The following LRRTM3 variants were observed in gnomAD, a reference collection of about 807,000 sequenced individuals.
The protein encoded by LRRTM3 is leucine-rich repeat transmembrane neuronal protein 3.
LRRTM3 carries 24 observed loss-of-function variants against 44.7 expected under a neutral mutation model. The ratio of observed to expected loss-of-function variants is 0.54; its 90% CI spans 0.39 to 0.76. The LOEUF (loss-of-function observed/expected upper bound fraction) is 0.76. LRRTM3 is among the 30% of genes least tolerant of loss of function. The pLI is 0.00. For synonymous variants in LRRTM3, 277 were observed against 278.7 expected, an observed-to-expected ratio of 0.99 and a Z score of 0.06; for missense variants, 587 against 702.2, an observed-to-expected ratio of 0.84 and a Z score of 1.85.
intron 2 of LRRTM3, chr10:67,052,796 CTTTTTT>C (rs1310956316): frequency 1.3e-5 from 2 of 151,888 alleles, no homozygotes; most frequent in Admixed American, 1.3e-4. Context: ...AATCCTTTCT[CTTTTTT>C]TTAAGTTTTA....
intron 2 of LRRTM3, among the ~76,000 whole-genome samples, chr10:67,080,471 C>G (rs1321956021): frequency 2.0e-5 from 3 of 152,112 alleles, no homozygotes. Flanking sequence ...GTCCCAGCAT[C>G]GCAATACATC....
chr10:67,060,215 G>A (rs1176107853), intron 2 of LRRTM3, among the ~76,000 whole-genome samples: 3 of 152,096 alleles, frequency 2.0e-5, no homozygotes, highest in Non-Finnish European at 2.9e-5. Flanking sequence ...CTACTTGGGA[G>A]GCTGAGATGG....
intron 2 of LRRTM3, among the ~76,000 whole-genome samples, chr10:66,990,544 A>C (rs922247051): frequency 2.6e-5 from 4 of 152,200 alleles, no homozygotes; most frequent in Admixed American, 6.6e-5. Context: ...ACTAGAAATC[A>C]TCTAGTTCTA....
chr10:67,004,055 C>T (rs183667901), intron 2 of LRRTM3, among the ~76,000 whole-genome samples: 7 of 152,000 alleles, frequency 4.6e-5, no homozygotes, highest in African/African-American at 1.7e-4. Context: ...CCAGTTTTCT[C>T]ACCTAACATA....
intron 2 of LRRTM3, among the ~76,000 whole-genome samples, chr10:67,035,314 T>C (rs748420498): frequency 8.5e-5 from 13 of 152,226 alleles, no homozygotes; most frequent in Non-Finnish European, 1.6e-4. Context: ...AACATCATCA[T>C]ATTTACTGTT....
chr10:67,071,854 C>T (rs1437418814), intron 2 of LRRTM3, among the ~76,000 whole-genome samples: 6 of 152,158 alleles, frequency 3.9e-5, no homozygotes, highest in Non-Finnish European at 7.3e-5. Flanking sequence ...TTGTATTATA[C>T]TGTGCCCAAT....
At chr10:66,990,329 G>T (rs1450719836) in intron 2 of LRRTM3, among the ~76,000 whole-genome samples, 2 of 152,112 alleles carry the variant, frequency 1.3e-5, no homozygotes, top group South Asian at 4.1e-4. Flanking sequence ...ATCCTTTGAA[G>T]CTACCACAGT....
At chr10:66,949,626 C>T (rs1848437504) in intron 2 of LRRTM3, among the ~76,000 whole-genome samples, 1 of 151,634 alleles carries the variant, frequency 6.6e-6, no homozygotes, top group African/African-American at 2.4e-5. Flanking sequence ...TGAAAACATC[C>T]AGTCTGCAGT....
chr10:66,953,053 A>T (rs1848620935), intron 2 of LRRTM3, among the ~76,000 whole-genome samples: 1 of 152,114 alleles, frequency 6.6e-6, no homozygotes. Flanking sequence ...GAGCCTACTG[A>T]GAAACAACTC....
chr10:67,063,999 G>A (rs1855916010), intron 2 of LRRTM3, among the ~76,000 whole-genome samples: 1 of 152,162 alleles, frequency 6.6e-6, no homozygotes, highest in African/African-American at 2.4e-5. Context: ...TGGAATTTTA[G>A]AGTCATCTCC....
At chr10:66,929,578 C>T (rs796587776) in intron 2 of LRRTM3, among the ~76,000 whole-genome samples, 2 of 152,276 alleles carry the variant, frequency 1.3e-5, no homozygotes, top group African/African-American at 4.8e-5. Flanking sequence ...AAAAGGACGA[C>T]TTTGATAACA....
At chr10:66,943,325 A>G (rs1342164316) in intron 2 of LRRTM3, among the ~76,000 whole-genome samples, 1 of 152,158 alleles carries the variant, frequency 6.6e-6, no homozygotes, top group African/African-American at 2.4e-5. Context: ...GAAGTGTTAA[A>G]TCTTATTAGA....
intron 2 of LRRTM3, among the ~76,000 whole-genome samples, chr10:66,935,846 C>G (rs1847666010): frequency 6.7e-6 from 1 of 149,198 alleles, no homozygotes. Context: ...AAGTTTCACT[C>G]ATTAATCCTA....
chr10:67,012,318 C>A (rs918333416), intron 2 of LRRTM3: 1 of 152,198 alleles, frequency 6.6e-6, no homozygotes, highest in Non-Finnish European at 1.5e-5. Flanking sequence ...AATGCCACCA[C>A]CTCGGTGCCA....
At chr10:67,081,012 C>A (rs1223236121) in intron 2 of LRRTM3, among the ~76,000 whole-genome samples, 2 of 151,688 alleles carry the variant, frequency 1.3e-5, no homozygotes, top group Admixed American at 6.6e-5. Context: ...ATATTAGAAT[C>A]CTCAGTCCCT....
At chr10:67,001,682 G>T (rs1226130589) in intron 2 of LRRTM3, among the ~76,000 whole-genome samples, 3 of 152,102 alleles carry the variant, frequency 2.0e-5, no homozygotes, top group East Asian at 1.9e-4. Context: ...GATCCTAATT[G>T]TATTCATAAT....
intron 2 of LRRTM3, among the ~76,000 whole-genome samples, chr10:67,051,758 ATT>A (rs10582679): frequency 0.026 from 3,718 of 145,014 alleles, 159 homozygotes; most frequent in African/African-American, 0.086. Flanking sequence ...CTATCCTACA[ATT>A]TTTTTTTTTT....
intron 2 of LRRTM3, among the ~76,000 whole-genome samples, chr10:67,037,380 AG>A (rs1296811100): frequency 2.3e-5 from 3 of 129,164 alleles, no homozygotes; most frequent in Non-Finnish European, 5.2e-5. Context: ...AAAAAAAAAA[AG>A]AAAAAAGAAA....
rs1847177703 is a variant in LRRTM3, at chr10:66,928,120, A to G, written c.1204A>G (p.Thr402Ala). Residue 402 changes from threonine (T) to alanine (A), a missense_variant, in exon 2 of 3, where the codon ACA becomes GCA. Transcript: ENST00000361320. The part of the protein sequence containing the change: ...KPPLPPTVGA[T>A]EPGPETDADA... ...CCCTTTGCCCCCGACGGTGGGAGCC[A>G]CAGAGCCCGGCCCAGAGACCGATGC... The G allele has an allele frequency of 1.2e-6, 2 of 1,613,902 alleles. No individual in the cohort carries two copies. The highest frequency in any genetic ancestry group is 1.6e-4 in the Middle Eastern group (1 of 6,082).
Sources: allele counts gnomAD v4.1 joint callset (sites outside exome capture counted in the v4.1 genomes callset), GRCh38; gene constraint gnomAD v4.1.1; transcripts MANE v1.5; gene names NCBI Gene and HGNC (gene_info 2026-07-23, HGNC 2026-07-21).